TRERF1: variants seen among roughly 807,000 people sequenced by gnomAD.
The protein encoded by TRERF1 is transcriptional-regulating factor 1.
Under a neutral mutation model 122.9 loss-of-function variants are expected in TRERF1, and 27 were observed. The observed-to-expected ratio is 0.22, with a 90% CI of 0.16 to 0.30. The LOEUF is 0.30. TRERF1 is among the 10% of genes least tolerant of loss of function. The pLI, the probability that TRERF1 is intolerant of heterozygous loss-of-function variation, is 1.00. For synonymous variants in TRERF1, 636 were observed against 641.7 expected (o/e 0.99, Z 0.13); for missense variants, 1,248 against 1,560.3 (o/e 0.80, Z 3.37).
intron 3 of TRERF1, among the ~76,000 whole-genome samples, chr6:42,343,915 G>A (rs1011069489): frequency 5.9e-5 from 9 of 152,330 alleles, no homozygotes; most frequent in East Asian, 5.8e-4. Context: ...ATAACTGACC[G>A]CGTGGGGAGG....
chr6:42,390,748 G>A (rs535057722), intron 2 of TRERF1, among the ~76,000 whole-genome samples: 1 of 152,348 alleles, frequency 6.6e-6, no homozygotes, highest in South Asian at 2.1e-4. Flanking sequence ...GAAAACAGTT[G>A]TGGGCGAGCT....
chr6:42,264,900 A>C (rs776428342), intron 6 of TRERF1, 46 bp from the exon 7 acceptor site: 5 of 1,601,682 alleles, frequency 3.1e-6, no homozygotes, highest in Non-Finnish European at 3.4e-6. Flanking sequence ...ACGTTGAGGA[A>C]GGGGAAACAG....
At chr6:42,257,184 A>G in intron 10 of TRERF1, 82 bp from the exon 11 acceptor site, 2 of 1,530,716 alleles carry the variant, frequency 1.3e-6, no homozygotes, top group South Asian at 2.4e-5. Flanking sequence ...GAACTTGAAA[A>G]AGAAGGAAAC....
In TRERF1 at chr6:42,277,905, GGAAGAAGAAGAAGAAGAAGAAGAAGAA is replaced by G. The variant is rs70987587; in HGVS notation, c.-258-8084_-258-8058del. ...AGAAGGAAGAAGGAAGAAGGAAGAAGGAAGAAGAAGAAGAAGAAGAAGAAGAAGAAGAAGAAGAAGAAGAAGAAGAAG... is the reference window on the plus strand; with the variant it reads ...AGAAGGAAGAAGGAAGAAGGAAGAAGGAAGAAGAAGAAGAAGAAGAAGAAG... On this transcript the variant is annotated intron_variant, in intron 4 of 17. Coordinates refer to ENST00000372922, the Ensembl canonical transcript of TRERF1. Among the ~76,000 whole-genome samples, 365 of 85,080 alleles carry G rather than the reference GGAAGAAGAAGAAGAAGAAGAAGAAGAA, an allele frequency of 4.3e-3. 5 individuals are homozygous for G. Among genetic ancestry groups the G allele is most frequent in the African/African-American group, 0.014 (281 of 19,798 alleles). The allele number at this position is 85,080 out of a possible 152,430, so 55.8% of individuals were successfully genotyped here. A position where few individuals can be genotyped will look rare whatever the true frequency, so the allele number is the denominator to read the frequency against.
chr6:42,392,229 G>T (rs1777871282), intron 2 of TRERF1, among the ~76,000 whole-genome samples: 1 of 152,206 alleles, frequency 6.6e-6, no homozygotes, highest in East Asian at 1.9e-4. Flanking sequence ...AATGAATGAA[G>T]AAATGAATGA....
At chr6:42,424,057 A>G (rs778754380) in intron 2 of TRERF1, among the ~76,000 whole-genome samples, 1 of 152,238 alleles carries the variant, frequency 6.6e-6, no homozygotes, top group Non-Finnish European at 1.5e-5. Flanking sequence ...TTACATGTAG[A>G]TGTTGTTCAT....
At chr6:42,341,662 G>A (rs1211084184) in intron 3 of TRERF1, among the ~76,000 whole-genome samples, 2 of 152,154 alleles carry the variant, frequency 1.3e-5, no homozygotes, top group African/African-American at 2.4e-5. Flanking sequence ...AAGGCCCCAG[G>A]TCTACCCCTA....
At chr6:42,367,044 C>G (rs1280531383) in intron 2 of TRERF1, among the ~76,000 whole-genome samples, 3 of 152,240 alleles carry the variant, frequency 2.0e-5, no homozygotes, top group Non-Finnish European at 4.4e-5. Context: ...GCACTGGAGT[C>G]AGGCCTGCGA....
intron 2 of TRERF1, among the ~76,000 whole-genome samples, chr6:42,418,218 C>CTTTTT (rs34388801): frequency 0.13 from 4,352 of 34,628 alleles, 832 homozygotes; most frequent in Middle Eastern, 0.36. Flanking sequence ...TTTTTCTTTC[C>CTTTTT]TTTTTTTTTT....
intron 13 of TRERF1, among the ~76,000 whole-genome samples, chr6:42,247,125 G>C (rs1582538268): frequency 1.3e-5 from 2 of 152,182 alleles, no homozygotes; most frequent in Admixed American, 6.5e-5. Flanking sequence ...TCAGGTTAGG[G>C]CCAGGGCAGC....
chr6:42,366,828 G>A (rs1361511877), intron 2 of TRERF1, among the ~76,000 whole-genome samples: 1 of 152,174 alleles, frequency 6.6e-6, no homozygotes, highest in East Asian at 1.9e-4. Flanking sequence ...GAGATGCCTG[G>A]GAAAGGTGAA....
At chr6:42,429,178 G>T (rs1347586214) in intron 2 of TRERF1, among the ~76,000 whole-genome samples, 1 of 152,210 alleles carries the variant, frequency 6.6e-6, no homozygotes, top group African/African-American at 2.4e-5. Context: ...TCCTCCAGCT[G>T]AGCCATGCAA....
chr6:42,338,000 C>A (rs552388454), intron 3 of TRERF1, among the ~76,000 whole-genome samples: 1 of 152,300 alleles, frequency 6.6e-6, no homozygotes, highest in South Asian at 2.1e-4. Context: ...CTACCCTGGA[C>A]CTCCTGAAAC....
chr6:42,335,330 AACAG>A (rs1359442121), intron 3 of TRERF1, among the ~76,000 whole-genome samples: 1 of 152,190 alleles, frequency 6.6e-6, no homozygotes, highest in African/African-American at 2.4e-5. Context: ...CAGCAACAGT[AACAG>A]CAGCAGCCAA....
At chr6:42,402,181 A>G (rs566575510) in intron 2 of TRERF1, among the ~76,000 whole-genome samples, 17 of 152,116 alleles carry the variant, frequency 1.1e-4, no homozygotes, top group Non-Finnish European at 2.5e-4. Flanking sequence ...ATGGACCCTC[A>G]CCCAAGACCT....
intron 3 of TRERF1, among the ~76,000 whole-genome samples, chr6:42,333,289 G>A (rs60681890): frequency 0.026 from 3,999 of 152,270 alleles, 149 homozygotes; most frequent in East Asian, 0.17. Flanking sequence ...CAAATAAATT[G>A]GAGAGCTTGG....
downstream of TRERF1, chr6:42,225,168 G>C (rs1769341885): frequency 6.7e-6 from 1 of 148,778 alleles, no homozygotes; most frequent in Non-Finnish European, 1.5e-5. Context: ...CTTATCACTT[G>C]GAGGGGAAAC....
At position 42,229,648 on chromosome 6, in the gene TRERF1, AG is replaced by A. The variant is rs58590215; in HGVS notation, c.3279-980del. ...TACATCTACTACTCCCTTTCACTTA[AG>A]GCCCCTGCTTTGTGGCCATGATATT... On this transcript the variant is annotated intron_variant, in intron 17 of 17. Transcript: ENST00000372922. Among the ~76,000 whole-genome samples the A allele has an allele frequency of 9.3e-3, 1,413 of 152,190 alleles. 26 individuals are homozygous for A. Among genetic ancestry groups the A allele is most frequent in the African/African-American group, 0.032 (1,329 of 41,518 alleles).
At chr6:42,390,601 C>G (rs1325697278) in intron 2 of TRERF1, among the ~76,000 whole-genome samples, 1 of 152,186 alleles carries the variant, frequency 6.6e-6, no homozygotes, top group African/African-American at 2.4e-5. Flanking sequence ...GGGAGGCCGT[C>G]GGAGAGACCA....
Sources: allele counts gnomAD v4.1 joint callset (sites outside exome capture counted in the v4.1 genomes callset), GRCh38; gene constraint gnomAD v4.1.1; transcripts MANE v1.5; gene names NCBI Gene and HGNC (gene_info 2026-07-23, HGNC 2026-07-21).